The following CSMD1 variants were observed in gnomAD, a reference collection of about 807,000 sequenced individuals.
CSMD1 encodes the protein CUB and sushi domain-containing protein 1.
A neutral mutation model predicts 417.5 loss-of-function variants in CSMD1; 213 were observed. The observed-to-expected ratio is 0.51, with a 90% CI of 0.46 to 0.57. CSMD1 has a LOEUF of 0.57. Ranked by LOEUF, CSMD1 falls within the 20% of genes least tolerant of loss-of-function variation. The probability of loss-of-function intolerance (pLI) is 0.00; values close to 1 mark genes in which losing one functional copy is unlikely to be tolerated. For missense variants in CSMD1, 6,923 were observed against 4,529.7 expected, an observed-to-expected ratio of 1.53 and a Z score of -15.17; for synonymous variants, 2,862 against 1,736.8, an observed-to-expected ratio of 1.65 and a Z score of -16.11.
At chr8:3,625,837 AG>A (rs2117221995) in intron 7 of CSMD1, among the ~76,000 whole-genome samples, 1 of 152,230 alleles carries the variant, frequency 6.6e-6, no homozygotes, top group East Asian at 1.9e-4. Flanking sequence ...TTTCTATCAG[AG>A]GGAAAAACAA....
rs964085913 is a variant in CSMD1, at chr8:3,565,652, C to A, written c.1344+9293G>T. On this transcript the variant is annotated intron_variant, in intron 10 of 69. Transcript: ENST00000635120. ...TTGAATCATAAAAGAAGTTAAAGCTCCTTCCCTAAAACAGATCTGATAAAC... is the reference window on the plus strand; with the variant it reads ...TTGAATCATAAAAGAAGTTAAAGCTACTTCCCTAAAACAGATCTGATAAAC... Among the ~76,000 whole-genome samples, 3 of 152,290 alleles carry A rather than the reference C, an allele frequency of 2.0e-5. No homozygotes were observed. In the South Asian group the frequency reaches 6.2e-4, roughly 32 times the overall value.
At chr8:3,311,690 T>C (rs1805361911) in intron 23 of CSMD1, among the ~76,000 whole-genome samples, 1 of 152,194 alleles carries the variant, frequency 6.6e-6, no homozygotes, top group African/African-American at 2.4e-5. Flanking sequence ...TTTACATCAT[T>C]ATAAAGTTGA....
intron 6 of CSMD1, among the ~76,000 whole-genome samples, chr8:3,736,004 G>A (rs187142847): frequency 2.8e-4 from 42 of 151,902 alleles, no homozygotes; most frequent in South Asian, 6.2e-4. Flanking sequence ...GAATAAGTGC[G>A]GTGGATTAAA....
intron 25 of CSMD1, among the ~76,000 whole-genome samples, chr8:3,294,535 C>A (rs977019870): frequency 6.7e-6 from 1 of 148,596 alleles, no homozygotes; most frequent in Non-Finnish European, 1.5e-5. Context: ...GCGCCCCTCC[C>A]CCAGCCTCGC....
intron 7 of CSMD1, among the ~76,000 whole-genome samples, chr8:3,624,490 T>C (rs1563209244): frequency 6.6e-6 from 1 of 152,254 alleles, no homozygotes; most frequent in Non-Finnish European, 1.5e-5. Flanking sequence ...ATTATTATTG[T>C]CTATTTTCAT....
intron 7 of CSMD1, among the ~76,000 whole-genome samples, chr8:3,661,872 G>C (rs575256112): frequency 6.6e-6 from 1 of 152,232 alleles, no homozygotes; most frequent in Admixed American, 6.5e-5. Context: ...GTTGAAGGAC[G>C]ACACATAGGA....
intron 7 of CSMD1, among the ~76,000 whole-genome samples, chr8:3,681,010 A>C (rs1350770914): frequency 6.6e-6 from 1 of 152,214 alleles, no homozygotes; most frequent in Admixed American, 6.5e-5. Flanking sequence ...AAAAACTCTC[A>C]ATAAATTAGG....
intron 3 of CSMD1, among the ~76,000 whole-genome samples, chr8:4,156,156 A>T (rs1174123927): frequency 6.6e-6 from 1 of 152,146 alleles, no homozygotes; most frequent in East Asian, 1.9e-4. Flanking sequence ...ACCCAGAGGC[A>T]ATTCGTTGTG....
intron 12 of CSMD1, among the ~76,000 whole-genome samples, chr8:3,427,843 G>A (rs193141906): frequency 3.1e-4 from 47 of 152,284 alleles, no homozygotes; most frequent in Non-Finnish European, 4.1e-4. Context: ...CAGAGGAGGC[G>A]TATGCCTGTC....
intron 3 of CSMD1, among the ~76,000 whole-genome samples, chr8:4,356,383 T>C (rs1801434027): frequency 6.6e-6 from 1 of 152,042 alleles, no homozygotes; most frequent in Non-Finnish European, 1.5e-5. Flanking sequence ...TTTATGGACA[T>C]TTGGGTTGGT....
At chr8:4,465,474 G>A (rs78688638) in intron 2 of CSMD1, among the ~76,000 whole-genome samples, 2 of 152,150 alleles carry the variant, frequency 1.3e-5, no homozygotes, top group African/African-American at 2.4e-5. Context: ...AAAATACCAA[G>A]ATGGTTCGTC....
chr8:3,630,215 T>C (rs563692935), intron 7 of CSMD1, among the ~76,000 whole-genome samples: 7 of 152,296 alleles, frequency 4.6e-5, no homozygotes, highest in African/African-American at 1.7e-4. Flanking sequence ...GAGAAATTAA[T>C]AGCTAGATGG....
intron 1 of CSMD1, among the ~76,000 whole-genome samples, chr8:4,952,603 C>T (rs1808826131): frequency 6.6e-6 from 1 of 151,860 alleles, no homozygotes; most frequent in African/African-American, 2.4e-5. Flanking sequence ...ATTTAATTCA[C>T]AATTCACAAT....
At chr8:3,289,689 A>C (rs1274925837) in intron 25 of CSMD1, among the ~76,000 whole-genome samples, 1 of 146,282 alleles carries the variant, frequency 6.8e-6, no homozygotes, top group African/African-American at 2.7e-5. Context: ...TTTTTTCTTG[A>C]AAATTTGTTG....
At chr8:4,821,868 C>G (rs577547590) in intron 1 of CSMD1, among the ~76,000 whole-genome samples, 3 of 152,156 alleles carry the variant, frequency 2.0e-5, no homozygotes, top group African/African-American at 7.2e-5. Context: ...TGCCTCCACA[C>G]GCTTCTGCTC....
chr8:4,658,696 T>G (rs1463190161), intron 1 of CSMD1, among the ~76,000 whole-genome samples: 1 of 152,186 alleles, frequency 6.6e-6, no homozygotes, highest in Non-Finnish European at 1.5e-5. Flanking sequence ...AAAGTCATTA[T>G]ACTGGTAAAT....
intron 1 of CSMD1, among the ~76,000 whole-genome samples, chr8:4,918,393 C>A (rs1376763384): frequency 6.6e-6 from 1 of 152,112 alleles, no homozygotes; most frequent in Non-Finnish European, 1.5e-5. Context: ...AGATTCAGAC[C>A]TTTCTGCCGA....
rs142771990 is a variant in CSMD1 at position 4,979,466 on chromosome 8, C to A, written c.85+14866G>T. ...GTATAGCAGATGCCGTCAAAGGTAC[C>A]TTTAGAACACTTGAGTGTGTGAAAG... On this transcript the variant is annotated intron_variant, in intron 1 of 69. Transcript: ENST00000635120. Among the ~76,000 whole-genome samples, 463 of 152,260 alleles carry A rather than the reference C, an allele frequency of 3.0e-3. 5 individuals are homozygous for A. The highest frequency in any genetic ancestry group is 0.011 in the African/African-American group (437 of 41,560).
At chr8:3,150,819 G>C (rs189845583) in intron 40 of CSMD1, among the ~76,000 whole-genome samples, 129 of 152,146 alleles carry the variant, frequency 8.5e-4, no homozygotes, top group African/African-American at 3.0e-3. Flanking sequence ...TTTCTGAAGA[G>C]AGGCCAGAAA....
Sources: allele counts gnomAD v4.1 joint callset (sites outside exome capture counted in the v4.1 genomes callset), GRCh38; gene constraint gnomAD v4.1.1; transcripts MANE v1.5; gene names NCBI Gene and HGNC (gene_info 2026-07-23, HGNC 2026-07-21).